ARHGEF10: variants seen among roughly 807,000 people sequenced by gnomAD.
ARHGEF10 encodes the protein Rho guanine nucleotide exchange factor (GEF) 10.
In ARHGEF10, 140 loss-of-function variants were observed where a neutral mutation model predicts 147.4. The ratio of observed to expected loss-of-function variants is 0.95; its 90% confidence interval spans 0.83 to 1.09. The LOEUF (loss-of-function observed/expected upper bound fraction) is 1.09. Among genes scored for constraint, ARHGEF10 ranks in the 50% least tolerant of loss-of-function variants. The pLI, the probability that ARHGEF10 is intolerant of heterozygous loss-of-function variation, is 0.00. For missense variants in ARHGEF10, 2,222 were observed against 1,752.7 expected (o/e 1.27, Z -4.78); for synonymous variants, 902 against 695.8 (o/e 1.30, Z -4.67).
chr8:1,866,427 AC>A, intron 5 of ARHGEF10, 98 bp from the exon 6 acceptor site: 2 of 458,196 alleles, frequency 4.4e-6, no homozygotes, highest in South Asian at 2.5e-5. Flanking sequence ...ATTCTGACAC[AC>A]ACACACACAC....
intron 1 of ARHGEF10, among the ~76,000 whole-genome samples, chr8:1,833,052 GC>G (rs1803317315): frequency 4.0e-4 from 2 of 4,982 alleles, no homozygotes; most frequent in African/African-American, 8.2e-4. Flanking sequence ...AGAGACAGAG[GC>G]AGAGAGAGAC....
chr8:1,918,067 C>T (rs941220024), intron 18 of ARHGEF10, among the ~76,000 whole-genome samples: 9 of 152,082 alleles, frequency 5.9e-5, no homozygotes, highest in African/African-American at 1.4e-4. Context: ...GGATTATAGG[C>T]GTGAGCCACC....
chr8:1,879,951 C>T (rs1191449064), intron 8 of ARHGEF10, 97 bp from the exon 9 acceptor site: 13 of 867,694 alleles, frequency 1.5e-5, no homozygotes, highest in South Asian at 7.9e-5. Flanking sequence ...GCCTGATGTG[C>T]CACTGCAGAC....
At chr8:1,864,251 T>C in intron 4 of ARHGEF10, 122 bp from the exon 5 acceptor site, 5 of 966,818 alleles carry the variant, frequency 5.2e-6, no homozygotes, top group Non-Finnish European at 8.3e-6. Flanking sequence ...TAATCACCCT[T>C]ATGCTAAGAT....
At chr8:1,906,083 A>G (rs1380515894) in intron 17 of ARHGEF10, among the ~76,000 whole-genome samples, 1 of 152,204 alleles carries the variant, frequency 6.6e-6, no homozygotes, top group African/African-American at 2.4e-5. Context: ...ATAAATGTTT[A>G]AATATAATAA....
chr8:1,867,916 G>T (rs930708767), intron 6 of ARHGEF10, among the ~76,000 whole-genome samples: 3 of 152,208 alleles, frequency 2.0e-5, no homozygotes, highest in African/African-American at 7.2e-5. Context: ...GTAATTAGAT[G>T]ATTCCGCTGT....
At position 1,923,939 on chromosome 8, in the gene ARHGEF10, G is replaced by T. The variant is rs1378910080; in HGVS notation, c.2488+65G>T. Reference sequence around the variant, plus strand: ...GTGATGATGAATTCCTGCCCACGAGGGTGAGGTCAGGGTTGAGAAGGAAAC... The same window carrying T: ...GTGATGATGAATTCCTGCCCACGAGTGTGAGGTCAGGGTTGAGAAGGAAAC... On this transcript the variant is annotated intron_variant, in intron 21 of 28. Transcript: ENST00000349830. The T allele has an allele frequency of 8.2e-6, 12 of 1,464,976 alleles. No homozygotes were observed. The Admixed American group carries it at 1.7e-4, about 21-fold the overall frequency. The allele number at this position is 1,464,976 out of a possible 1,614,324, so 90.7% of individuals were successfully genotyped here.
rs535421314 is a variant in ARHGEF10, at chr8:1,945,594, G to A, written c.3336G>A (p.Thr1112=). The change falls in exon 27 of 29, where the codon ACG becomes ACA. Residue 1112 remains threonine, a synonymous_variant. Transcript: ENST00000349830. ...TSGSTLRLFH[T]ETLKHLQDIN... ...GGTCCACGCTCCGCCTTTTTCACAC[G>A]GAAACTCTCAAGCACCTGCAGGACA... 3.0e-5 allele frequency: 49 copies of A among 1,614,068 alleles called. No homozygotes were observed. The highest frequency in any genetic ancestry group is 4.0e-5 in the African/African-American group (3 of 74,914).
intron 3 of ARHGEF10, among the ~76,000 whole-genome samples, chr8:1,858,325 G>A (rs1483752787): frequency 3.3e-5 from 5 of 151,980 alleles, no homozygotes; most frequent in African/African-American, 4.8e-5. Flanking sequence ...CATCGGACTC[G>A]CCGATTTTCT....
intron 11 of ARHGEF10, among the ~76,000 whole-genome samples, chr8:1,889,858 G>C (rs905517460): frequency 4.2e-5 from 6 of 142,076 alleles, no homozygotes; most frequent in Non-Finnish European, 9.0e-5. Flanking sequence ...TTTGTGAGGA[G>C]ACACTGAGTG....
At chr8:1,861,223 T>C (rs1041116272) in intron 4 of ARHGEF10, among the ~76,000 whole-genome samples, 1 of 152,238 alleles carries the variant, frequency 6.6e-6, no homozygotes, top group African/African-American at 2.4e-5. Flanking sequence ...GAGCCCGTTC[T>C]CTGCTGTCCT....
chr8:1,886,692 G>A (rs896808234), intron 11 of ARHGEF10, among the ~76,000 whole-genome samples: 7 of 152,126 alleles, frequency 4.6e-5, no homozygotes, highest in Non-Finnish European at 8.8e-5. Flanking sequence ...TGCAGGCCCC[G>A]TGCCCGGTCC....
At position 1,946,908 on chromosome 8, in the gene ARHGEF10, C is replaced by T. The variant is rs1190983229; in HGVS notation, c.3397+1253C>T. On this transcript the variant is annotated intron_variant, in intron 27 of 28. Transcript: ENST00000349830. ...GCACGGTGGGTCCATGATAGCCGTT[C>T]TTTTCTCAGGGGCTAACTGTACAAG... Among the ~76,000 whole-genome samples, 7 of 152,194 alleles carry T rather than the reference C, an allele frequency of 4.6e-5. No individual in the cohort carries two copies. In the South Asian group the frequency reaches 6.2e-4, roughly 14 times the overall value.
intron 11 of ARHGEF10, among the ~76,000 whole-genome samples, chr8:1,891,199 A>C (rs1037862097): frequency 6.6e-6 from 1 of 152,184 alleles, no homozygotes; most frequent in East Asian, 1.9e-4. Context: ...GGATTTCTGC[A>C]TTCTTTCATG....
chr8:1,885,457 A>G (rs1331703380), intron 10 of ARHGEF10, 144 bp from the exon 11 acceptor site: 6 of 644,266 alleles, frequency 9.3e-6, no homozygotes, highest in Admixed American at 2.5e-5. Context: ...TAAAAATTCA[A>G]CTTAATAATA....
intron 25 of ARHGEF10, among the ~76,000 whole-genome samples, chr8:1,929,898 C>G (rs1712568439): frequency 6.6e-6 from 1 of 152,210 alleles, no homozygotes; most frequent in Non-Finnish European, 1.5e-5. Flanking sequence ...CCATTGTGTT[C>G]TGCTGGGTGC....
chr8:1,860,123 C>A lies in ARHGEF10; in HGVS notation c.420C>A (p.Pro140=), dbSNP rs747476397. Residue 140 remains proline, a synonymous_variant, in exon 4 of 29, where the codon CCC becomes CCA. Coordinates refer to ENST00000349830, the MANE Select transcript of ARHGEF10 (RefSeq NM_014629.4). The stretch of plus-strand genomic sequence containing the variant: ...GCTATGCGGTGCCCTCCAACCTGCC[C>A]CTCCTGCTGCCCGCCTACTCCAGCC... ...PCGYAVPSNL[P]LLLPAYSSPV... is the part of the protein sequence containing the mutation. 1.1e-5 allele frequency: 18 copies of A among 1,613,936 alleles called. No homozygotes were observed. Among genetic ancestry groups the A allele is most frequent in the Non-Finnish European group, 1.4e-5 (17 of 1,180,008 alleles).
intron 18 of ARHGEF10, among the ~76,000 whole-genome samples, chr8:1,910,658 C>T (rs1811289344): frequency 1.3e-5 from 2 of 152,152 alleles, no homozygotes; most frequent in African/African-American, 2.4e-5. Flanking sequence ...TCATTTCTGA[C>T]ATGATTCATT....
At chr8:1,947,988 C>A (rs1055030779) in intron 27 of ARHGEF10, among the ~76,000 whole-genome samples, 1 of 152,006 alleles carries the variant, frequency 6.6e-6, no homozygotes, top group African/African-American at 2.4e-5. Flanking sequence ...CTGCTCAGGT[C>A]GCAGGTTCTG....
Sources: allele counts gnomAD v4.1 joint callset (sites outside exome capture counted in the v4.1 genomes callset), GRCh38; gene constraint gnomAD v4.1.1; transcripts MANE v1.5; gene names NCBI Gene and HGNC (gene_info 2026-07-23, HGNC 2026-07-21).